Variants in OR11H4 observed in about 807,000 individuals in gnomAD.
The protein encoded by OR11H4 is olfactory receptor 11H4.
For synonymous variants in OR11H4, 162 were observed against 142.3 expected, an observed-to-expected ratio of 1.14 and a Z score of -0.98; for missense variants, 460 against 371.1, an observed-to-expected ratio of 1.24 and a Z score of -1.97.
rs968008219 is a variant in OR11H4 at position 20,243,905 on chromosome 14, G to A, written c.*139G>A. 16 of 804,912 alleles carry A rather than the reference G, an allele frequency of 2.0e-5. No individual in the cohort carries two copies. The African/African-American group carries it at 2.1e-4, about 10-fold the overall frequency. The allele number at this position is 804,912 out of a possible 1,614,324, so 49.9% of individuals were successfully genotyped here. A position where few individuals can be genotyped will look rare whatever the true frequency, so the allele number is the denominator to read the frequency against. ...CTGGAAGTGTGCCCAGCTTAAATAT[G>A]TTTCCAGCACTGACTCTTTAAACCT... On this transcript the variant is annotated 3_prime_UTR_variant, in exon 2 of 2. Coordinates refer to ENST00000641082, the MANE Select transcript of OR11H4 (RefSeq NM_001004479.2).
chr14:20,243,706 G>C lies in OR11H4; in HGVS notation c.885G>C (p.Lys295Asn). The change falls in exon 2 of 2, where the codon AAG becomes AAC. Residue 295 changes from lysine to asparagine, a missense_variant. By Grantham distance (94) the Lys-to-Asn change is moderately conservative. Coordinates refer to ENST00000641082, the MANE Select transcript of OR11H4 (RefSeq NM_001004479.2). ...FNPLIYTLRN[K>N]DMKLALRNVL... ...CTCTGATCTATACTCTTCGTAATAA[G>C]GACATGAAACTCGCTCTGAGAAATG... 1 of 1,605,148 alleles carries C rather than the reference G, an allele frequency of 6.2e-7. No individual in the cohort carries two copies. The highest frequency in any genetic ancestry group is 8.5e-7 in the Non-Finnish European group (1 of 1,176,612).
rs1881006438 is a variant in OR11H4 at position 20,244,119 on chromosome 14, G to C, written c.*353G>C. On this transcript the variant is annotated 3_prime_UTR_variant, in exon 2 of 2. Coordinates refer to ENST00000641082, the MANE Select transcript of OR11H4 (RefSeq NM_001004479.2). The stretch of plus-strand genomic sequence containing the variant: ...TTCAACTACAGGTATGCTCCTAGGA[G>C]TCTTTGTCTGATGGGAATCAATAGT... 5.8e-6 allele frequency: 1 copy of C among 171,210 alleles called. No homozygotes were observed. Among genetic ancestry groups the C allele is most frequent in the Non-Finnish European group, 1.2e-5 (1 of 81,014 alleles). The allele number at this position is 171,210 out of a possible 1,614,324, so 10.6% of individuals were successfully genotyped here. A position where few individuals can be genotyped will look rare whatever the true frequency, so the allele number is the denominator to read the frequency against.
chr14:20,240,811 A>T (rs1880899086), intron 1 of OR11H4, among the ~76,000 whole-genome samples: 1 of 152,002 alleles, frequency 6.6e-6, no homozygotes, highest in Non-Finnish European at 1.5e-5. Flanking sequence ...TCCTGACTTC[A>T]GCGATCTACC....
chr14:20,239,812 A>G (rs1286942435), intron 1 of OR11H4, among the ~76,000 whole-genome samples: 1 of 152,190 alleles, frequency 6.6e-6, no homozygotes, highest in Non-Finnish European at 1.5e-5. Flanking sequence ...TGAAGATTCT[A>G]TTCTAATTAC....
At chr14:20,242,624 A>T in intron 1 of OR11H4, 187 bp from the exon 2 acceptor site, 1 of 640,634 alleles carries the variant, frequency 1.6e-6, no homozygotes, top group Admixed American at 2.9e-5. Flanking sequence ...ATTCTAGCAA[A>T]ATAACACAGA....
Position 20,243,006 on chromosome 14 carries a change from T to C in OR11H4, c.185T>C (p.Leu62Pro). 6.2e-7 allele frequency: 1 copy of C among 1,614,198 alleles called. No homozygotes were observed. The highest frequency in any genetic ancestry group is 8.5e-7 in the Non-Finnish European group (1 of 1,180,040). ...NPLLHTPMYF[L>P]LGNFAFLEIW... ...CTACTACACACCCCCATGTACTTTCTGCTGGGAAATTTTGCCTTCCTTGAG... is the reference window on the plus strand; with the variant it reads ...CTACTACACACCCCCATGTACTTTCCGCTGGGAAATTTTGCCTTCCTTGAG... Residue 62 changes from leucine (L) to proline (P), a missense_variant, in exon 2 of 2, where the codon CTG becomes CCG. Transcript: ENST00000641082.
intron 1 of OR11H4, among the ~76,000 whole-genome samples, chr14:20,239,869 A>G (rs547607857): frequency 6.6e-6 from 1 of 152,266 alleles, no homozygotes; most frequent in Non-Finnish European, 1.5e-5. Context: ...GGGTGGTGTT[A>G]TATAAAACTT....
Position 20,242,991 on chromosome 14 carries a change from C to A in OR11H4, c.170C>A (p.Thr57Asn). 1.9e-6 allele frequency: 3 copies of A among 1,614,040 alleles called. No homozygotes were observed. Among genetic ancestry groups the A allele is most frequent in the South Asian group, 1.1e-5 (1 of 91,086 alleles). ...YAVRCNPLLH[T>N]PMYFLLGNFA... The stretch of plus-strand genomic sequence containing the variant: ...GTGAGATGCAACCCACTACTACACA[C>A]CCCCATGTACTTTCTGCTGGGAAAT... Residue 57 changes from threonine (T) to asparagine (N), a missense_variant, in exon 2 of 2, where the codon ACC becomes AAC. Coordinates refer to ENST00000641082, the MANE Select transcript of OR11H4 (RefSeq NM_001004479.2).
At chr14:20,241,688 C>A (rs151225788) in intron 1 of OR11H4, among the ~76,000 whole-genome samples, 3 of 152,240 alleles carry the variant, frequency 2.0e-5, no homozygotes, top group Admixed American at 6.5e-5. Flanking sequence ...GTACTCAGCA[C>A]ACCAAGGACC....
chr14:20,241,920 A>G (rs898421873), intron 1 of OR11H4, among the ~76,000 whole-genome samples: 6 of 152,094 alleles, frequency 3.9e-5, no homozygotes, highest in Non-Finnish European at 7.4e-5. Flanking sequence ...CAAGTATCTC[A>G]GTGAAGTAAA....
chr14:20,240,102 T>A (rs1342282985), intron 1 of OR11H4, among the ~76,000 whole-genome samples: 2 of 152,150 alleles, frequency 1.3e-5, no homozygotes, highest in Non-Finnish European at 2.9e-5. Flanking sequence ...TGTCCTAAAC[T>A]GTTATTCTCA....
At position 20,243,612 on chromosome 14, in the gene OR11H4, A is replaced by G. The variant is rs771863773; in HGVS notation, c.791A>G (p.Tyr264Cys). 3.7e-6 allele frequency: 6 copies of G among 1,613,810 alleles called. No individual in the cohort carries two copies. The highest frequency in any genetic ancestry group is 5.1e-6 in the Non-Finnish European group (6 of 1,179,910). The change falls in exon 2 of 2, where the codon TAT (tyrosine) becomes TGT (cysteine). Residue 264 changes from tyrosine to cysteine, a missense_variant. Physicochemically the swap from Tyr to Cys is radical, Grantham distance 194 (BLOSUM62 -2). Transcript: ENST00000641082. ...ATGGTAATGTATGTAAGTCCTACAT[A>G]TGGGATCCCAACTTTATTGCAGAAG... Reference protein sequence around the residue: ...TVMVMYVSPTYGIPTLLQKIL... With the variant: ...TVMVMYVSPTCGIPTLLQKIL...
chr14:20,241,319 C>G (rs1566370476), intron 1 of OR11H4, among the ~76,000 whole-genome samples: 2 of 152,102 alleles, frequency 1.3e-5, no homozygotes, highest in African/African-American at 4.8e-5. Context: ...GGAGTTGTAT[C>G]TCCATGCAGC....
Position 20,243,457 on chromosome 14 carries a change from G to T in OR11H4, c.636G>T (p.Met212Ile), listed in dbSNP as rs1426627297. Residue 212 changes from methionine to isoleucine, a missense_variant, in exon 2 of 2, where the codon ATG becomes ATT. Physicochemically the swap from Met to Ile is conservative, Grantham distance 10. Coordinates refer to ENST00000641082, the MANE Select transcript of OR11H4 (RefSeq NM_001004479.2). ...QSSLVLFFTS[M>I]YILRSYILLL... is the part of the protein sequence containing the mutation. ...CCCTTGTCCTCTTTTTCACTAGTAT[G>T]TACATTCTTCGATCCTATATCCTGT... The T allele has an allele frequency of 3.7e-6, 6 of 1,613,672 alleles. No homozygotes were observed. In the Admixed American group the frequency reaches 1.0e-4, roughly 27 times the overall value.
chr14:20,243,036 G>T lies in OR11H4; in HGVS notation c.215G>T (p.Trp72Leu). ...GGAAATTTTGCCTTCCTTGAGATCT[G>T]GTATGTGTCCTCCACTATTCCTAAC... ...LLGNFAFLEI[W>L]YVSSTIPNML... The change falls in exon 2 of 2, where the codon TGG becomes TTG. Residue 72 changes from tryptophan to leucine, a missense_variant. Coordinates refer to ENST00000641082, the MANE Select transcript of OR11H4 (RefSeq NM_001004479.2). The T allele has an allele frequency of 6.2e-7, 1 of 1,614,034 alleles. No homozygotes were observed. The highest frequency in any genetic ancestry group is 8.5e-7 in the Non-Finnish European group (1 of 1,180,018).
rs141105627 is a variant in OR11H4 at position 20,240,335 on chromosome 14, A to C, written c.-12+1004A>C. Among the ~76,000 whole-genome samples the C allele has an allele frequency of 1.8e-3, 274 of 152,308 alleles. 2 individuals are homozygous for C. Among genetic ancestry groups the C allele is most frequent in the African/African-American group, 6.4e-3 (265 of 41,556 alleles). ...TTCAGCATTGATTGGAAAGCTGGAC[A>C]ACTTTAGAACTCAGATGCTCCAAAT... is the stretch of plus-strand genomic sequence containing the variant. On this transcript the variant is annotated intron_variant, in intron 1 of 1. Coordinates refer to ENST00000641082, the MANE Select transcript of OR11H4 (RefSeq NM_001004479.2).
chr14:20,242,388 T>C (rs985826578), intron 1 of OR11H4, among the ~76,000 whole-genome samples: 1 of 152,190 alleles, frequency 6.6e-6, no homozygotes, highest in Non-Finnish European at 1.5e-5. Context: ...AACCTGGATT[T>C]TATACAACAC....
In OR11H4 at chr14:20,243,879, C is replaced by A; in HGVS notation, c.*113C>A. ...GAGTAGTTAGAGGTTGTATATTTTA[C>A]CTGGAAGTGTGCCCAGCTTAAATAT... On this transcript the variant is annotated 3_prime_UTR_variant, in exon 2 of 2. Coordinates refer to ENST00000641082, the MANE Select transcript of OR11H4 (RefSeq NM_001004479.2). 9.4e-7 allele frequency: 1 copy of A among 1,065,450 alleles called. No homozygotes were observed. The highest frequency in any genetic ancestry group is 2.0e-5 in the South Asian group (1 of 50,838). 66.0% of individuals were successfully genotyped at this position (1,065,450 alleles called of 1,614,324 possible).
chr14:20,243,313 C>T lies in OR11H4; in HGVS notation c.492C>T (p.Ser164=), dbSNP rs778050131. The change falls in exon 2 of 2, where the codon TCC becomes TCT. Residue 164 remains serine (S), a synonymous_variant. Transcript: ENST00000641082. ...LGYPIPIFYI[S]QLPFCGPNII... is the part of the protein sequence containing the mutation. ...ACCCAATTCCCATTTTCTACATCTCCCAACTCCCCTTCTGTGGTCCTAATA... is the reference window on the plus strand; with the variant it reads ...ACCCAATTCCCATTTTCTACATCTCTCAACTCCCCTTCTGTGGTCCTAATA... 2.2e-5 allele frequency: 36 copies of T among 1,613,950 alleles called. No homozygotes were observed. The highest frequency in any genetic ancestry group is 2.7e-5 in the Non-Finnish European group (32 of 1,179,966).
Sources: gnomAD v4.1 joint callset for allele counts (sites outside exome capture counted in the v4.1 genomes callset) on GRCh38, gnomAD v4.1.1 for gene constraint, MANE v1.5 for transcripts, NCBI Gene and HGNC (gene_info 2026-07-23, HGNC 2026-07-21) for gene names.